AGBL4: variants seen among roughly 807,000 people sequenced by gnomAD.
AGBL4 encodes the protein cytosolic carboxypeptidase 6.
Under a neutral mutation model 66.4 loss-of-function variants are expected in AGBL4, and 58 were observed. That is an observed-to-expected ratio of 0.87 (90% CI 0.71 to 1.09). AGBL4 has a LOEUF of 1.09. Among genes scored for constraint, AGBL4 ranks in the 50% least tolerant of loss-of-function variants. AGBL4 has a pLI of 0.00. For synonymous variants in AGBL4, 234 were observed against 222.9 expected (o/e 1.05, Z -0.44); for missense variants, 579 against 631.0 (o/e 0.92, Z 0.88).
chr1:48,956,537 G>A (rs1374793397), intron 5 of AGBL4, among the ~76,000 whole-genome samples: 1 of 152,090 alleles, frequency 6.6e-6, no homozygotes, highest in Non-Finnish European at 1.5e-5. Flanking sequence ...TTACAGAAAA[G>A]TGGAAGAGAG....
chr1:48,861,316 A>G (rs1647447553), intron 6 of AGBL4, among the ~76,000 whole-genome samples: 1 of 152,226 alleles, frequency 6.6e-6, no homozygotes, highest in Admixed American at 6.5e-5. Context: ...AGAGAGTCAA[A>G]GGAATAAAGG....
chr1:49,697,651 C>T (rs937879830), intron 2 of AGBL4, among the ~76,000 whole-genome samples: 14 of 152,130 alleles, frequency 9.2e-5, no homozygotes, highest in Middle Eastern at 3.2e-3. Context: ...AGCTTCTCTG[C>T]CTGGCCCTTC....
chr1:49,800,095 T>A (rs912350777), intron 2 of AGBL4, among the ~76,000 whole-genome samples: 2 of 152,202 alleles, frequency 1.3e-5, no homozygotes, highest in Non-Finnish European at 2.9e-5. Context: ...TAGGGTATGT[T>A]ACAGACAGTC....
intron 3 of AGBL4, among the ~76,000 whole-genome samples, chr1:49,639,230 G>A (rs760495506): frequency 2.2e-4 from 34 of 152,090 alleles, no homozygotes; most frequent in Non-Finnish European, 3.4e-4. Flanking sequence ...TGAAGCAGTC[G>A]TGGTAATCCA....
chr1:49,160,667 G>A (rs1274565554), intron 4 of AGBL4, among the ~76,000 whole-genome samples: 2 of 152,232 alleles, frequency 1.3e-5, no homozygotes, highest in Admixed American at 1.3e-4. Flanking sequence ...CCTTCCCCCA[G>A]GTGCTCTTTC....
At chr1:49,355,099 C>G (rs1643992359) in intron 3 of AGBL4, among the ~76,000 whole-genome samples, 1 of 152,166 alleles carries the variant, frequency 6.6e-6, no homozygotes, top group Non-Finnish European at 1.5e-5. Context: ...ATGCAAACTC[C>G]ACACAGACAG....
At chr1:49,645,807 T>C (rs1340271742) in intron 3 of AGBL4, among the ~76,000 whole-genome samples, 2 of 146,928 alleles carry the variant, frequency 1.4e-5, no homozygotes, top group East Asian at 4.0e-4. Flanking sequence ...TCAAATCCAA[T>C]AATATATTAA....
At chr1:49,017,991 G>T (rs1258845144) in intron 5 of AGBL4, among the ~76,000 whole-genome samples, 2 of 152,106 alleles carry the variant, frequency 1.3e-5, no homozygotes, top group Admixed American at 1.3e-4. Flanking sequence ...ATTGTCATAG[G>T]CCTGGTCTCT....
At chr1:49,881,731 G>A (rs1461109951) in intron 1 of AGBL4, among the ~76,000 whole-genome samples, 2 of 151,148 alleles carry the variant, frequency 1.3e-5, no homozygotes, top group Non-Finnish European at 2.9e-5. Context: ...TTTTGATGGG[G>A]TTGTTTGTTT....
intron 2 of AGBL4, chr1:49,844,801 T>C: frequency 1.9e-6 from 3 of 1,561,938 alleles, no homozygotes; most frequent in Non-Finnish European, 2.6e-6. Context: ...TGGTCTGTGG[T>C]ACTGCAGGGG....
intron 2 of AGBL4, among the ~76,000 whole-genome samples, chr1:49,829,229 T>G (rs1234070285): frequency 6.6e-6 from 1 of 152,118 alleles, no homozygotes; most frequent in African/African-American, 2.4e-5. Flanking sequence ...ATGGATGGAT[T>G]ATGAACTATT....
At chr1:48,669,002 T>A (rs1646234117) in intron 6 of AGBL4, among the ~76,000 whole-genome samples, 1 of 152,118 alleles carries the variant, frequency 6.6e-6, no homozygotes, top group African/African-American at 2.4e-5. Flanking sequence ...GATGGGTGGA[T>A]CCAACAAGAG....
intron 6 of AGBL4, among the ~76,000 whole-genome samples, chr1:48,826,661 T>C (rs973635774): frequency 1.2e-4 from 19 of 152,220 alleles, no homozygotes; most frequent in Non-Finnish European, 1.5e-4. Context: ...AGATAGTGGA[T>C]TGAATAAAGG....
rs1167835143 is a variant in AGBL4 at position 50,019,306 on chromosome 1, T to TCTCTCTCTCACACACA, written c.34+4456_34+4457insTGTGTGTGAGAGAGAG. On this transcript the variant is annotated intron_variant, in intron 1 of 13. Coordinates refer to ENST00000371839, the MANE Select transcript of AGBL4 (RefSeq NM_032785.4). ...CTCTCTCTCTCTCTCTCTCTCTCTC[T>TCTCTCTCTCACACACA]CACACACACACACACACACACACAC... Among the ~76,000 whole-genome samples, 101 of 48,422 alleles carry TCTCTCTCTCACACACA rather than the reference T, an allele frequency of 2.1e-3. 1 individual carries two copies. The highest frequency in any genetic ancestry group is 0.015 in the East Asian group (14 of 940). 31.8% of individuals were successfully genotyped at this position (48,422 alleles called of 152,430 possible). A position where few individuals can be genotyped will look rare whatever the true frequency, so the allele number is the denominator to read the frequency against.
intron 7 of AGBL4, among the ~76,000 whole-genome samples, chr1:48,659,744 G>A (rs2148451697): frequency 6.6e-6 from 1 of 152,340 alleles, no homozygotes; most frequent in South Asian, 2.1e-4. Flanking sequence ...TTCACAGTAA[G>A]GATTAGAGGA....
Position 49,332,952 on chromosome 1 carries a change from G to A in AGBL4, c.283-87088C>T, listed in dbSNP as rs1040303231. On this transcript the variant is annotated intron_variant, in intron 3 of 13. Coordinates refer to ENST00000371839, the MANE Select transcript of AGBL4 (RefSeq NM_032785.4). ...GTTGTTTCCTGACGTTTTAATGATCGCCATACTAACTGGCATGAGATGGTA... is the reference window on the plus strand; with the variant it reads ...GTTGTTTCCTGACGTTTTAATGATCACCATACTAACTGGCATGAGATGGTA... Among the ~76,000 whole-genome samples the A allele has an allele frequency of 7.2e-5, 11 of 152,082 alleles. No individual in the cohort carries two copies. The East Asian group carries it at 1.7e-3, about 24-fold the overall frequency.
At chr1:49,236,423 G>A (rs1650749219) in intron 4 of AGBL4, among the ~76,000 whole-genome samples, 1 of 152,044 alleles carries the variant, frequency 6.6e-6, no homozygotes, top group South Asian at 2.1e-4. Flanking sequence ...TCAATCTCTG[G>A]GAAGTCTCAG....
At chr1:48,719,845 A>G (rs2148530672) in intron 6 of AGBL4, among the ~76,000 whole-genome samples, 1 of 152,322 alleles carries the variant, frequency 6.6e-6, no homozygotes, top group Middle Eastern at 3.4e-3. Flanking sequence ...GAGGTCACAG[A>G]GCTGGTAAGC....
chr1:49,541,743 C>A (rs1002421618), intron 3 of AGBL4, among the ~76,000 whole-genome samples: 7 of 152,228 alleles, frequency 4.6e-5, no homozygotes, highest in African/African-American at 1.7e-4. Flanking sequence ...CACCTGTGGC[C>A]CCTGTGCAGG....
Sources: gnomAD v4.1 joint callset for allele counts (sites outside exome capture counted in the v4.1 genomes callset) on GRCh38, gnomAD v4.1.1 for gene constraint, MANE v1.5 for transcripts, NCBI Gene and HGNC (gene_info 2026-07-23, HGNC 2026-07-21) for gene names.